HSPA12A: variants seen among roughly 807,000 people sequenced by gnomAD.
HSPA12A encodes the protein heat shock protein family A (Hsp70) member 12A, also known as heat shock 70 kDa protein 12A.
A neutral mutation model predicts 69.2 loss-of-function variants in HSPA12A; 28 were observed. The ratio of observed to expected loss-of-function variants is 0.40; its 90% CI spans 0.30 to 0.55. The LOEUF (loss-of-function observed/expected upper bound fraction) is 0.55, where lower values mean the gene tolerates loss of function less well. HSPA12A is among the 20% of genes least tolerant of loss of function. The pLI is 0.38. For missense variants in HSPA12A, 686 were observed against 900.7 expected (o/e 0.76, Z 3.05); for synonymous variants, 345 against 370.5 (o/e 0.93, Z 0.79).
intron 6 of HSPA12A, 95 bp from the exon 7 acceptor site, chr10:116,684,057 C>CTTTTTT: frequency 1.9e-6 from 2 of 1,032,566 alleles, no homozygotes; most frequent in Non-Finnish European, 2.7e-6. Flanking sequence ...AAGGAGGGCG[C>CTTTTTT]ACTCGTGCTC....
chr10:116,826,402 G>A (rs1016923750), intron 2 of HSPA12A, among the ~76,000 whole-genome samples: 3 of 152,110 alleles, frequency 2.0e-5, no homozygotes, highest in African/African-American at 7.2e-5. Context: ...TTGAATGAAC[G>A]AATGAATGAA....
chr10:116,828,881 C>T (rs374385541), intron 2 of HSPA12A: 1 of 152,180 alleles, frequency 6.6e-6, no homozygotes, highest in African/African-American at 2.4e-5. Flanking sequence ...ATTCCATTCT[C>T]GCAGAAACAC....
intron 2 of HSPA12A, among the ~76,000 whole-genome samples, chr10:116,766,136 G>A (rs1389891413): frequency 6.6e-6 from 1 of 152,160 alleles, no homozygotes; most frequent in Non-Finnish European, 1.5e-5. Flanking sequence ...CTTCAGTGCT[G>A]AGTGTGATCA....
chr10:116,706,503 C>A (rs1286284049), intron 2 of HSPA12A, among the ~76,000 whole-genome samples: 1 of 152,184 alleles, frequency 6.6e-6, no homozygotes, highest in African/African-American at 2.4e-5. Flanking sequence ...GCTGGCATCC[C>A]TGCCTAGCAG....
intron 6 of HSPA12A, among the ~76,000 whole-genome samples, chr10:116,688,479 G>A (rs1182897962): frequency 6.6e-6 from 1 of 152,224 alleles, no homozygotes; most frequent in East Asian, 1.9e-4. Context: ...CAGGGAGACT[G>A]AGAAGCTGAG....
At position 116,821,444 on chromosome 10, in the gene HSPA12A, C is replaced by T. The variant is rs148040066; in HGVS notation, c.91+13491G>A. ...GATGCCACCTTCTCAGGAGGCCTCC[C>T]CAGAACCCCTATTTTAAATTCCAAC... On this transcript the variant is annotated intron_variant, in intron 2 of 12. Coordinates refer to the HSPA12A transcript ENST00000635765. 1.1e-4 allele frequency among the ~76,000 whole-genome samples: 17 copies of T among 152,312 alleles called. No individual in the cohort carries two copies. In the East Asian group the frequency reaches 2.5e-3, roughly 23 times the overall value.
chr10:116,692,774 T>G (rs1849773154), intron 5 of HSPA12A, among the ~76,000 whole-genome samples: 1 of 152,220 alleles, frequency 6.6e-6, no homozygotes, highest in Non-Finnish European at 1.5e-5. Flanking sequence ...GGCCTCAGTT[T>G]CCATATCTGT....
chr10:116,792,613 C>CAAAAAAAAAAAAAAAAAAAA (rs56344323), intron 2 of HSPA12A, among the ~76,000 whole-genome samples: 1 of 108,020 alleles, frequency 9.3e-6, no homozygotes, highest in African/African-American at 3.8e-5. Context: ...CTTGCATCTA[C>CAAAAAAAAAAAAAAAAAAAA]AAAAAAAAAA....
intron 2 of HSPA12A, among the ~76,000 whole-genome samples, chr10:116,782,292 C>T (rs1444934102): frequency 6.6e-6 from 1 of 152,126 alleles, no homozygotes; most frequent in Non-Finnish European, 1.5e-5. Flanking sequence ...GAGGCTTATT[C>T]GACTGTTTTG....
At chr10:116,718,751 A>G (rs1242305360) in intron 1 of HSPA12A, among the ~76,000 whole-genome samples, 2 of 151,886 alleles carry the variant, frequency 1.3e-5, no homozygotes. Context: ...ATTTTTTCTA[A>G]TTCACCCAAA....
At position 116,823,401 on chromosome 10, in the gene HSPA12A, C is replaced by T. The variant is rs1041870959; in HGVS notation, c.91+11534G>A. Among the ~76,000 whole-genome samples the T allele has an allele frequency of 1.3e-5, 2 of 152,126 alleles. 1 individual carries two copies. Among genetic ancestry groups the T allele is most frequent in the Admixed American group, 1.3e-4 (2 of 15,280 alleles). On this transcript the variant is annotated intron_variant, in intron 2 of 12. Transcript: ENST00000635765. ...ATGATCTACAGTCTCAACATGATCC[C>T]TGCATTCACAAAGAAATGCAAGGGA...
intron 1 of HSPA12A, among the ~76,000 whole-genome samples, chr10:116,707,487 C>T (rs1381333468): frequency 5.9e-5 from 9 of 152,226 alleles, no homozygotes; most frequent in African/African-American, 2.2e-4. Context: ...TAGAATTCGA[C>T]CAAATGAGAT....
In HSPA12A at chr10:116,679,529, A is replaced by G. The variant is rs1196228244; in HGVS notation, c.1260T>C (p.Ser420=). ...IDYYKKFRGH[S]VEHALRKSNV... is the part of the protein sequence containing the mutation. ...TGCTTTTCCGCAAGGCGTGCTCCAC[A>G]CTGTGCCCGCGGAACTTCTTGTAGT... The change falls in exon 10 of 12, where the codon AGT becomes AGC. Residue 420 remains serine, a synonymous_variant. Coordinates refer to ENST00000369209, the MANE Select transcript of HSPA12A (RefSeq NM_025015.3). 5.0e-6 allele frequency: 8 copies of G among 1,613,970 alleles called. No homozygotes were observed. In the African/African-American group the frequency reaches 9.3e-5, roughly 19 times the overall value.
chr10:116,811,579 T>TAAAAAAAAAAAAAAAAAA (rs60912684), intron 2 of HSPA12A, among the ~76,000 whole-genome samples: 5 of 105,924 alleles, frequency 4.7e-5, no homozygotes, highest in African/African-American at 1.9e-4. Context: ...TTGCTTTTGT[T>TAAAAAAAAAAAAAAAAAA]AAAAAAAAAA....
At chr10:116,715,714 C>G (rs546076722) in intron 1 of HSPA12A, among the ~76,000 whole-genome samples, 3 of 152,214 alleles carry the variant, frequency 2.0e-5, no homozygotes, top group Non-Finnish European at 4.4e-5. Flanking sequence ...AGCTCCCGGA[C>G]GGCAGGTCAA....
At chr10:116,844,942 A>G (rs933792337) in intron 1 of HSPA12A, among the ~76,000 whole-genome samples, 1 of 152,220 alleles carries the variant, frequency 6.6e-6, no homozygotes, top group African/African-American at 2.4e-5. Context: ...TGCAGACTGA[A>G]TAAGTGTTAA....
intron 6 of HSPA12A, among the ~76,000 whole-genome samples, chr10:116,684,292 A>C (rs1849512626): frequency 6.6e-6 from 1 of 152,080 alleles, no homozygotes; most frequent in Non-Finnish European, 1.5e-5. Context: ...GGGATTCCGG[A>C]CTGCAGGAGG....
At chr10:116,737,790 G>T (rs1851358416) in intron 1 of HSPA12A, among the ~76,000 whole-genome samples, 1 of 152,222 alleles carries the variant, frequency 6.6e-6, no homozygotes, top group Non-Finnish European at 1.5e-5. Context: ...GGTGGTCCTG[G>T]CAGAGCTCAG....
intron 7 of HSPA12A, 127 bp downstream of exon 7, chr10:116,683,664 A>G: frequency 1.0e-6 from 1 of 979,748 alleles, no homozygotes; most frequent in Non-Finnish European, 1.4e-6. Flanking sequence ...CTTAAAGCCC[A>G]CCTCCTCCCG....
Sources: allele counts gnomAD v4.1 joint callset (sites outside exome capture counted in the v4.1 genomes callset), GRCh38; gene constraint gnomAD v4.1.1; transcripts MANE v1.5; gene names NCBI Gene and HGNC (gene_info 2026-07-23, HGNC 2026-07-21).